The following DACH1 variants were observed in gnomAD, a reference collection of about 807,000 sequenced individuals.
DACH1 encodes the protein dachshund homolog 1.
A neutral mutation model predicts 54.2 loss-of-function variants in DACH1; 12 were observed. That is an observed-to-expected ratio of 0.22 (90% CI 0.14 to 0.36). DACH1 has a LOEUF of 0.36. DACH1 is among the 10% of genes least tolerant of loss of function. DACH1 has a pLI of 1.00. For synonymous variants in DACH1, 386 were observed against 366.2 expected (o/e 1.05, Z -0.62); for missense variants, 805 against 929.8 (o/e 0.87, Z 1.75).
intron 3 of DACH1, among the ~76,000 whole-genome samples, chr13:71,604,560 G>A (rs1874738594): frequency 6.6e-6 from 1 of 151,892 alleles, no homozygotes; most frequent in Non-Finnish European, 1.5e-5. Flanking sequence ...GGCTTTATAA[G>A]CTTCCAATAA....
chr13:71,787,303 CAAAT>C (rs1886633349), intron 1 of DACH1, among the ~76,000 whole-genome samples: 1 of 152,140 alleles, frequency 6.6e-6, no homozygotes, highest in African/African-American at 2.4e-5. Context: ...GTACAGCTGG[CAAAT>C]AAAGTCTAGT....
rs775625703 is a variant in DACH1 at position 71,737,324 on chromosome 13, C to A, written c.849-55414G>T. The stretch of plus-strand genomic sequence containing the variant: ...TGAAGATAGTTTTGGAGCAGGTAGC[C>A]TTTGAGGGAACTCTGGAACACAAAT... On this transcript the variant is annotated intron_variant, in intron 1 of 10. Transcript: ENST00000613252. Among the ~76,000 whole-genome samples the A allele has an allele frequency of 6.6e-5, 10 of 152,034 alleles. No homozygotes were observed. The South Asian group carries it at 8.3e-4, about 13-fold the overall frequency.
intron 3 of DACH1, among the ~76,000 whole-genome samples, chr13:71,619,415 C>A (rs1019194821): frequency 2.0e-5 from 3 of 151,860 alleles, no homozygotes; most frequent in Non-Finnish European, 4.4e-5. Flanking sequence ...ATGAGTACAT[C>A]ATCATGCAAT....
intron 1 of DACH1, among the ~76,000 whole-genome samples, chr13:71,757,597 C>A (rs948105313): frequency 6.7e-6 from 1 of 149,704 alleles, no homozygotes; most frequent in African/African-American, 2.5e-5. Flanking sequence ...AATCTTGGCT[C>A]ACTGTAATCT....
intron 4 of DACH1, among the ~76,000 whole-genome samples, chr13:71,569,195 T>A (rs1199049238): frequency 6.6e-6 from 1 of 152,156 alleles, no homozygotes; most frequent in East Asian, 1.9e-4. Flanking sequence ...TACTTGGTTC[T>A]ATTGTGTTTG....
intron 1 of DACH1, among the ~76,000 whole-genome samples, chr13:71,795,037 G>C (rs1886987545): frequency 6.6e-6 from 1 of 152,028 alleles, no homozygotes; most frequent in African/African-American, 2.4e-5. Context: ...GGAAGTCCTA[G>C]TTAATTTTTT....
chr13:71,638,888 C>T (rs1345498493), intron 2 of DACH1, among the ~76,000 whole-genome samples: 1 of 152,174 alleles, frequency 6.6e-6, no homozygotes, highest in Non-Finnish European at 1.5e-5. Flanking sequence ...TGCAATTAAT[C>T]TTGTCCAACA....
In DACH1 at chr13:71,866,961, G is replaced by A; in HGVS notation, c.-192C>T. Reference sequence around the variant, plus strand: ...AAGGTAATAAAGAGCGAGCGCAAGAGGGGCGAGCACGAGAGGCGCTCTGGA... The same window carrying A: ...AAGGTAATAAAGAGCGAGCGCAAGAAGGGCGAGCACGAGAGGCGCTCTGGA... On this transcript the variant is annotated 5_prime_UTR_variant, in exon 1 of 11. Coordinates refer to ENST00000613252, the MANE Select transcript of DACH1 (RefSeq NM_080759.6). The A allele has an allele frequency of 2.3e-6, 1 of 442,088 alleles. No homozygotes were observed. Among genetic ancestry groups the A allele is most frequent in the Non-Finnish European group, 3.7e-6 (1 of 267,794 alleles). 27.4% of individuals were successfully genotyped at this position (442,088 alleles called of 1,614,324 possible). A position where few individuals can be genotyped will look rare whatever the true frequency, so the allele number is the denominator to read the frequency against.
At chr13:71,777,637 G>A (rs1454676084) in intron 1 of DACH1, among the ~76,000 whole-genome samples, 2 of 151,960 alleles carry the variant, frequency 1.3e-5, no homozygotes, top group African/African-American at 2.4e-5. Context: ...TAATCCAAAC[G>A]CCAAACTTGT....
chr13:71,707,834 A>G (rs1044141655), intron 1 of DACH1, among the ~76,000 whole-genome samples: 8 of 152,160 alleles, frequency 5.3e-5, no homozygotes, highest in Admixed American at 6.5e-5. Flanking sequence ...AACAGGCTGT[A>G]GGAGAACAAT....
intron 10 of DACH1, among the ~76,000 whole-genome samples, chr13:71,462,920 AC>A (rs1876223770): frequency 7.6e-6 from 1 of 132,148 alleles, no homozygotes; most frequent in African/African-American, 2.6e-5. Context: ...ACACACATAA[AC>A]CATGAATACA....
intron 3 of DACH1, among the ~76,000 whole-genome samples, chr13:71,582,269 T>C (rs540988019): frequency 6.6e-6 from 1 of 152,296 alleles, no homozygotes; most frequent in African/African-American, 2.4e-5. Context: ...AATGATTGTA[T>C]TAATGCATTT....
chr13:71,438,196 A>C lies in DACH1; in HGVS notation c.*2459T>G, dbSNP rs1447806511. 6.6e-6 allele frequency: 1 copy of C among 152,426 alleles called. No homozygotes were observed. Among genetic ancestry groups the C allele is most frequent in the Non-Finnish European group, 1.5e-5 (1 of 67,870 alleles). The allele number at this position is 152,426 out of a possible 1,614,324, so 9.4% of individuals were successfully genotyped here. On this transcript the variant is annotated 3_prime_UTR_variant, in exon 11 of 11. Coordinates refer to ENST00000613252, the MANE Select transcript of DACH1 (RefSeq NM_080759.6). ...AGAAAACTTTAAATATATAGATAAA[A>C]ATAGACAATTTTCATAGGTCCTACA... is the stretch of plus-strand genomic sequence containing the variant.
At chr13:71,823,697 C>T (rs1363414067) in intron 1 of DACH1, among the ~76,000 whole-genome samples, 2 of 151,566 alleles carry the variant, frequency 1.3e-5, no homozygotes, top group East Asian at 1.9e-4. Context: ...GCATTTCAAG[C>T]CAAGTTATCA....
intron 3 of DACH1, among the ~76,000 whole-genome samples, chr13:71,578,260 G>C (rs1202782206): frequency 6.6e-6 from 1 of 152,210 alleles, no homozygotes; most frequent in African/African-American, 2.4e-5. Flanking sequence ...ACATTGTCAA[G>C]ATTTGTTTAC....
At chr13:71,609,182 C>T (rs1875115576) in intron 3 of DACH1, among the ~76,000 whole-genome samples, 1 of 151,806 alleles carries the variant, frequency 6.6e-6, no homozygotes. Context: ...TATTATGTGC[C>T]TAGTTCTAGA....
At chr13:71,545,495 TAA>T (rs1883403235) in intron 6 of DACH1, among the ~76,000 whole-genome samples, 1 of 126,196 alleles carries the variant, frequency 7.9e-6, no homozygotes, top group South Asian at 2.4e-4. Flanking sequence ...GATTTTTAAA[TAA>T]AGATAGAAAG....
intron 2 of DACH1, among the ~76,000 whole-genome samples, chr13:71,676,672 T>C (rs557863625): frequency 1.4e-4 from 22 of 152,218 alleles, no homozygotes; most frequent in Admixed American, 5.9e-4. Flanking sequence ...TGAAATATGT[T>C]TATGAATTCA....
chr13:71,592,063 C>T (rs1873749828), intron 3 of DACH1, among the ~76,000 whole-genome samples: 1 of 152,028 alleles, frequency 6.6e-6, no homozygotes, highest in East Asian at 1.9e-4. Flanking sequence ...TGTGGCTGTC[C>T]ATATTACCTT....
Sources: allele counts gnomAD v4.1 joint callset (sites outside exome capture counted in the v4.1 genomes callset), GRCh38; gene constraint gnomAD v4.1.1; transcripts MANE v1.5; gene names NCBI Gene and HGNC (gene_info 2026-07-23, HGNC 2026-07-21).